The following TASOR variants were observed in gnomAD, a reference collection of about 807,000 sequenced individuals.
TASOR encodes the protein protein TASOR.
In TASOR, 53 loss-of-function variants were observed where a neutral mutation model predicts 178.6. That is an observed-to-expected ratio of 0.30 (90% CI 0.24 to 0.37). The LOEUF (loss-of-function observed/expected upper bound fraction) is 0.37, where lower values mean the gene tolerates loss of function less well. Ranked by LOEUF, TASOR falls within the 10% of genes least tolerant of loss-of-function variation. The pLI is 1.00. For missense variants in TASOR, 1,815 were observed against 1,971.4 expected (o/e 0.92, Z 1.50); for synonymous variants, 713 against 696.2 (o/e 1.02, Z -0.38).
At chr3:56,677,562 T>G (rs1269779907) in intron 1 of TASOR, among the ~76,000 whole-genome samples, 5 of 152,194 alleles carry the variant, frequency 3.3e-5, no homozygotes, top group Non-Finnish European at 1.5e-5. Flanking sequence ...CAAATTCAAG[T>G]GGTTAAGCTC....
rs541776253 is a variant in TASOR, at chr3:56,667,701, C to T, written c.897+696G>A. Among the ~76,000 whole-genome samples the T allele has an allele frequency of 6.6e-5, 10 of 152,010 alleles. No individual in the cohort carries two copies. In the South Asian group the frequency reaches 2.1e-3, roughly 32 times the overall value. On this transcript the variant is annotated intron_variant, in intron 6 of 23. Coordinates refer to ENST00000683822, the MANE Select transcript of TASOR (RefSeq NM_001365635.2). ...AATTAAAAAACAAGAATAGGGAGGC[C>T]GAAGTGGGAAGATCACTTGAGCCCA...
Position 56,623,440 on chromosome 3 carries a change from C to T in TASOR, c.4610G>A (p.Arg1537His), listed in dbSNP as rs781503760. Residue 1537 changes from arginine (R) to histidine (H), a missense_variant, in exon 24 of 24, where the codon CGT becomes CAT. This residue lies in a region of TASOR where 278 missense variants were observed against 257.1 expected (regional missense o/e 1.08). Coordinates refer to ENST00000683822, the MANE Select transcript of TASOR (RefSeq NM_001365635.2). ...EIWEKETKGS[R>H]GTDQKKNTQI... ...AGTATTCTTTTTTTGATCTGTTCCACGTGATCCTTTGGTCTCTTTCTCCCA... is the reference window on the plus strand; with the variant it reads ...AGTATTCTTTTTTTGATCTGTTCCATGTGATCCTTTGGTCTCTTTCTCCCA... 1.3e-5 allele frequency: 21 copies of T among 1,613,542 alleles called. No individual in the cohort carries two copies. Among genetic ancestry groups the T allele is most frequent in the African/African-American group, 8.0e-5 (6 of 74,900 alleles).
intron 11 of TASOR, among the ~76,000 whole-genome samples, chr3:56,656,986 G>T (rs1351663836): frequency 6.6e-6 from 1 of 150,930 alleles, no homozygotes; most frequent in Non-Finnish European, 1.5e-5. Context: ...CTCCAACCTG[G>T]GCAACAAGAG....
Position 56,649,033 on chromosome 3 carries a change from G to A in TASOR, c.1393C>T (p.Arg465Ter). 1 of 1,608,828 alleles carries A rather than the reference G, an allele frequency of 6.2e-7. No individual in the cohort carries two copies. The highest frequency in any genetic ancestry group is 8.5e-7 in the Non-Finnish European group (1 of 1,178,456). ...KLVLVKPLGD[R>*]GYLFLLSPYQ... ...GGGGAGAGAAGAAAAAGGTATCCTC[G>A]GTCTCCCAAAGGTTTAACAAGAACC... The change falls in exon 12 of 24, where the codon CGA becomes TGA. Residue 465 changes from arginine to a stop codon, truncating the protein, a stop_gained. Transcript: ENST00000683822. LOFTEE classifies it high-confidence loss of function.
chr3:56,675,103 C>G (rs1014234170), intron 1 of TASOR, among the ~76,000 whole-genome samples: 31 of 151,636 alleles, frequency 2.0e-4, no homozygotes, highest in African/African-American at 7.5e-4. Flanking sequence ...GAGATTCAGG[C>G]ATGAGCCACC....
At chr3:56,644,671 T>C (rs912210800) in intron 14 of TASOR, among the ~76,000 whole-genome samples, 1 of 148,726 alleles carries the variant, frequency 6.7e-6, no homozygotes, top group African/African-American at 2.5e-5. Flanking sequence ...GAGAAGAACA[T>C]GATACTGAAA....
chr3:56,666,216 T>G, intron 7 of TASOR, 44 bp downstream of exon 7: 4 of 1,463,032 alleles, frequency 2.7e-6, no homozygotes, highest in Non-Finnish European at 3.6e-6. Flanking sequence ...GGATCTGTAG[T>G]AGAATTATCA....
At chr3:56,653,537 AAAAT>A (rs2077403409) in intron 11 of TASOR, among the ~76,000 whole-genome samples, 1 of 152,048 alleles carries the variant, frequency 6.6e-6, no homozygotes, top group South Asian at 2.1e-4. Context: ...CCCCTAAACA[AAAAT>A]AGAAGCCATA....
chr3:56,670,724 T>A (rs1452013638), intron 3 of TASOR, among the ~76,000 whole-genome samples: 1 of 149,962 alleles, frequency 6.7e-6, no homozygotes, highest in Non-Finnish European at 1.5e-5. Flanking sequence ...TCACTTGAGG[T>A]CAGGAGTTCA....
Position 56,622,795 on chromosome 3 carries a change from A to C in TASOR, c.*242T>G. 3.6e-6 allele frequency: 1 copy of C among 276,902 alleles called. No homozygotes were observed. 17.2% of individuals were successfully genotyped at this position (276,902 alleles called of 1,614,324 possible). A position where few individuals can be genotyped will look rare whatever the true frequency, so the allele number is the denominator to read the frequency against. ...AAAACAGGCTTCAATTTGAAGCCTA[A>C]GTACAGGTAACATACAAAAAGTAAA... On this transcript the variant is annotated 3_prime_UTR_variant, in exon 24 of 24. Transcript: ENST00000683822.
At chr3:56,642,876 T>C (rs1176527308) in intron 14 of TASOR, among the ~76,000 whole-genome samples, 1 of 152,066 alleles carries the variant, frequency 6.6e-6, no homozygotes, top group African/African-American at 2.4e-5. Context: ...CTTGGGAGGC[T>C]GAGGCAGGAG....
At chr3:56,650,840 G>A (rs559895262) in intron 11 of TASOR, among the ~76,000 whole-genome samples, 1 of 152,242 alleles carries the variant, frequency 6.6e-6, no homozygotes, top group East Asian at 1.9e-4. Flanking sequence ...ACTACAAGCG[G>A]ACAATGTACC....
intron 17 of TASOR, among the ~76,000 whole-genome samples, chr3:56,635,745 G>A (rs1479889367): frequency 6.6e-6 from 1 of 151,950 alleles, no homozygotes; most frequent in East Asian, 1.9e-4. Flanking sequence ...AAGTAGATGG[G>A]ATTACAGGTA....
chr3:56,656,073 C>G (rs1378265949), intron 11 of TASOR, among the ~76,000 whole-genome samples: 1 of 152,002 alleles, frequency 6.6e-6, no homozygotes, highest in Non-Finnish European at 1.5e-5. Flanking sequence ...ACTGAAACTA[C>G]AGAAAGCAAA....
Position 56,621,184 on chromosome 3 carries a change from A to AAAAAAAAAAACACTGTATGTT in TASOR, c.*1852_*1853insAACATACAGTGTTTTTTTTTT, listed in dbSNP as rs1559799955. On this transcript the variant is annotated 3_prime_UTR_variant, in exon 24 of 24. Coordinates refer to ENST00000683822, the MANE Select transcript of TASOR (RefSeq NM_001365635.2). ...CAAAAAAAAACAAAACAACAACAAC[A>AAAAAAAAAAACACTGTATGTT]AAAAAAAAACACTGTATGTTAAGGG... 7.3e-6 allele frequency: 1 copy of AAAAAAAAAAACACTGTATGTT among 136,808 alleles called. No homozygotes were observed. The highest frequency in any genetic ancestry group is 2.8e-5 in the African/African-American group (1 of 36,160). The allele number at this position is 136,808 out of a possible 1,614,324, so 8.5% of individuals were successfully genotyped here.
At position 56,622,551 on chromosome 3, in the gene TASOR, T is replaced by C. The variant is rs1329353291; in HGVS notation, c.*486A>G. On this transcript the variant is annotated 3_prime_UTR_variant, in exon 24 of 24. Coordinates refer to ENST00000683822, the MANE Select transcript of TASOR (RefSeq NM_001365635.2). The stretch of plus-strand genomic sequence containing the variant: ...CTATGTACATAGTTTATTATCTAAA[T>C]GAAACTGCACTGTTAGATAAATCTT... 2.0e-5 allele frequency: 3 copies of C among 152,696 alleles called. No individual in the cohort carries two copies. Among genetic ancestry groups the C allele is most frequent in the African/African-American group, 7.2e-5 (3 of 41,468 alleles). 9.5% of individuals were successfully genotyped at this position (152,696 alleles called of 1,614,324 possible). A position where few individuals can be genotyped will look rare whatever the true frequency, so the allele number is the denominator to read the frequency against.
rs1258447517 is a variant in TASOR at position 56,670,223 on chromosome 3, T to G, written c.571-78A>C. The G allele has an allele frequency of 3.3e-6, 3 of 905,446 alleles. No homozygotes were observed. In the African/African-American group the frequency reaches 5.1e-5, roughly 15 times the overall value. The allele number at this position is 905,446 out of a possible 1,614,324, so 56.1% of individuals were successfully genotyped here. ...TGAAAAAATAATTTTATAAACTTGGTTTAAATAAAAACAAAGCTTCTTAAC... is the reference window on the plus strand; with the variant it reads ...TGAAAAAATAATTTTATAAACTTGGGTTAAATAAAAACAAAGCTTCTTAAC... On this transcript the variant is annotated intron_variant, in intron 3 of 23. Transcript: ENST00000683822.
chr3:56,665,256 C>G (rs1559847241), intron 7 of TASOR, among the ~76,000 whole-genome samples: 2 of 152,154 alleles, frequency 1.3e-5, no homozygotes, highest in Non-Finnish European at 2.9e-5. Flanking sequence ...GCCTTGACTG[C>G]CCACTAAATA....
Position 56,646,959 on chromosome 3 carries a change from C to A in TASOR, c.1778G>T (p.Arg593Ile). The A allele has an allele frequency of 6.2e-7, 1 of 1,611,762 alleles. No individual in the cohort carries two copies. The highest frequency in any genetic ancestry group is 1.1e-5 in the South Asian group (1 of 90,044). The change falls in exon 14 of 24, where the codon AGA (arginine) becomes ATA (isoleucine). Residue 593 changes from arginine (R) to isoleucine (I), a missense_variant. Transcript: ENST00000683822. ...DDKKFLYSAP[R>I]NKSHIDTCLH... Reference sequence around the variant, plus strand: ...ACAAGTATCAATATGGGATTTATTTCTGGGAGCTGAGTATAAGAATTTTTT... The same window carrying A: ...ACAAGTATCAATATGGGATTTATTTATGGGAGCTGAGTATAAGAATTTTTT...
Sources: allele counts gnomAD v4.1 joint callset (sites outside exome capture counted in the v4.1 genomes callset), GRCh38; gene constraint gnomAD v4.1.1; regional missense constraint gnomAD v4.1.1; transcripts MANE v1.5; gene names NCBI Gene and HGNC (gene_info 2026-07-23, HGNC 2026-07-21).